The following CYLD variants were observed in gnomAD, a reference collection of about 807,000 sequenced individuals.
CYLD encodes CYLD lysine 63 deubiquitinase, also known as ubiquitin carboxyl-terminal hydrolase CYLD.
A neutral mutation model predicts 104.5 loss-of-function variants in CYLD; 26 were observed. The observed-to-expected ratio is 0.25, with a 90% CI of 0.18 to 0.35. The LOEUF is 0.35. Ranked by LOEUF, CYLD falls within the 10% of genes least tolerant of loss-of-function variation. CYLD has a pLI of 1.00. For synonymous variants in CYLD, 385 were observed against 399.9 expected (o/e 0.96, Z 0.45); for missense variants, 703 against 1,136.1 (o/e 0.62, Z 5.48).
intron 5 of CYLD, among the ~76,000 whole-genome samples, chr16:50,758,191 CCTT>C (rs1428105879): frequency 2.0e-5 from 3 of 152,146 alleles, no homozygotes; most frequent in Non-Finnish European, 4.4e-5. Context: ...TTCTGATAAA[CCTT>C]CTAATAAGGT....
At position 50,797,326 on chromosome 16, in the gene CYLD, C is replaced by A. The variant is rs1358875608; in HGVS notation, c.*818C>A. On this transcript the variant is annotated 3_prime_UTR_variant, in exon 19 of 19. Coordinates refer to ENST00000427738, the MANE Select transcript of CYLD (RefSeq NM_001378743.1). Reference sequence around the variant, plus strand: ...TGAAAGAATTGGAGTGATAATAGTCCTTTACAAACATACAGTCCATAAGAA... The same window carrying A: ...TGAAAGAATTGGAGTGATAATAGTCATTTACAAACATACAGTCCATAAGAA... The A allele has an allele frequency of 4.3e-6, 1 of 232,014 alleles. No individual in the cohort carries two copies. The highest frequency in any genetic ancestry group is 2.2e-5 in the African/African-American group (1 of 45,252). The allele number at this position is 232,014 out of a possible 1,614,324, so 14.4% of individuals were successfully genotyped here.
At chr16:50,785,004 C>G (rs574461016) in intron 12 of CYLD, 8 of 154,216 alleles carry the variant, frequency 5.2e-5, no homozygotes, top group African/African-American at 1.7e-4. Context: ...TTTTCCATTT[C>G]CTACTTTAGG....
intron 9 of CYLD, among the ~76,000 whole-genome samples, chr16:50,780,588 G>A (rs2150993811): frequency 6.6e-6 from 1 of 152,220 alleles, no homozygotes; most frequent in South Asian, 2.1e-4. Context: ...GCACGGTCAG[G>A]GCTCACTGCA....
intron 2 of CYLD, among the ~76,000 whole-genome samples, chr16:50,749,181 A>G (rs1008155619): frequency 1.3e-5 from 2 of 152,202 alleles, no homozygotes; most frequent in African/African-American, 4.8e-5. Context: ...CAGCATGGGC[A>G]ACAAGAGTGA....
At chr16:50,754,684 A>C (rs1443263915) in intron 5 of CYLD, among the ~76,000 whole-genome samples, 1 of 149,536 alleles carries the variant, frequency 6.7e-6, no homozygotes, top group African/African-American at 2.5e-5. Flanking sequence ...ACACCTTTGA[A>C]TCCTCATAGC....
chr16:50,775,131 C>G (rs1597039040), intron 5 of CYLD, 35 bp from the exon 6 acceptor site: 1 of 1,586,440 alleles, frequency 6.3e-7, no homozygotes, highest in African/African-American at 1.3e-5. Context: ...GTCCTCAAAT[C>G]CACTGTGGGT....
In CYLD at chr16:50,749,972, A is replaced by G. The variant is rs749150160; in HGVS notation, c.274A>G (p.Ile92Val). 6 of 1,614,074 alleles carry G rather than the reference A, an allele frequency of 3.7e-6. No individual in the cohort carries two copies. In the African/African-American group the frequency reaches 8.0e-5, roughly 22 times the overall value. Residue 92 changes from isoleucine (I) to valine (V), a missense_variant, in exon 3 of 19, where the codon ATA (isoleucine) becomes GTA (valine). Around this residue, in one of 5 missense-constraint regions of CYLD, gnomAD observed 142 missense variants for 165.1 expected, o/e 0.86. Transcript: ENST00000427738. ...LFVDEKDVVE[I>V]NEKFTELLLA... is the part of the protein sequence containing the mutation. The stretch of plus-strand genomic sequence containing the variant: ...TGTTGATGAAAAGGATGTTGTAGAG[A>G]TAAATGAAAAGTTCACAGAGTTACT...
intron 2 of CYLD, among the ~76,000 whole-genome samples, chr16:50,749,170 C>A (rs1187888125): frequency 6.6e-6 from 1 of 151,616 alleles, no homozygotes; most frequent in African/African-American, 2.4e-5. Context: ...CCACTGCAGT[C>A]CAGCATGGGC....
chr16:50,750,294 A>G, intron 3 of CYLD, 92 bp downstream of exon 3: 1 of 1,436,424 alleles, frequency 7.0e-7, no homozygotes, highest in Non-Finnish European at 9.7e-7. Flanking sequence ...CTCCTTAAAT[A>G]CGAAATAAAT....
intron 4 of CYLD, 35 bp from the exon 5 acceptor site, chr16:50,754,284 G>A (rs1453376400): frequency 7.6e-7 from 1 of 1,319,858 alleles, no homozygotes; most frequent in African/African-American, 1.4e-5. Flanking sequence ...ACATTTCATT[G>A]AGGAGGATTT....
At position 50,799,031 on chromosome 16, in the gene CYLD, T is replaced by G. The variant is rs902892097; in HGVS notation, c.*2523T>G. 1.7e-5 allele frequency: 4 copies of G among 233,308 alleles called. No individual in the cohort carries two copies. 14.5% of individuals were successfully genotyped at this position (233,308 alleles called of 1,614,324 possible). On this transcript the variant is annotated 3_prime_UTR_variant, in exon 19 of 19. Transcript: ENST00000427738. ...GTTCTGTGCTTCAGCACAGCCTGGTTTGTCAAGAGGCACATAGTTGGGGCT... is the reference window on the plus strand; with the variant it reads ...GTTCTGTGCTTCAGCACAGCCTGGTGTGTCAAGAGGCACATAGTTGGGGCT...
At chr16:50,755,235 A>G (rs576887242) in intron 5 of CYLD, among the ~76,000 whole-genome samples, 59 of 149,822 alleles carry the variant, frequency 3.9e-4, no homozygotes, top group Admixed American at 1.4e-3. Context: ...ATATGTGTGT[A>G]TATACACACA....
intron 5 of CYLD, among the ~76,000 whole-genome samples, chr16:50,770,152 C>T (rs1968987515): frequency 6.6e-6 from 1 of 152,068 alleles, no homozygotes; most frequent in Non-Finnish European, 1.5e-5. Flanking sequence ...ATCTTTATTT[C>T]TTGACATAAT....
Position 50,800,156 on chromosome 16 carries a change from T to A in CYLD, c.*3648T>A, listed in dbSNP as rs545703479. 46 of 232,908 alleles carry A rather than the reference T, an allele frequency of 2.0e-4. No homozygotes were observed. Among genetic ancestry groups the A allele is most frequent in the African/African-American group, 9.5e-4 (43 of 45,400 alleles). 14.4% of individuals were successfully genotyped at this position (232,908 alleles called of 1,614,324 possible). On this transcript the variant is annotated 3_prime_UTR_variant, in exon 19 of 19. Transcript: ENST00000427738. Reference sequence around the variant, plus strand: ...GACCTCTTGAGCTTTAGTTTCCTCCTCTGCATAATGAGAGGGTTAGACTAC... The same window carrying A: ...GACCTCTTGAGCTTTAGTTTCCTCCACTGCATAATGAGAGGGTTAGACTAC...
At chr16:50,762,888 T>G (rs1011391383) in intron 5 of CYLD, among the ~76,000 whole-genome samples, 2 of 152,244 alleles carry the variant, frequency 1.3e-5, no homozygotes, top group African/African-American at 4.8e-5. Context: ...TACTGAGATC[T>G]AGTTTATAAT....
rs1009419392 is a variant in CYLD, at chr16:50,796,413, T to C, written c.2776T>C (p.Leu926=). ...LKMSLEDLHS[L]DSRRIQGCAR... is the part of the protein sequence containing the mutation. ...GATGTCTCTGGAAGACCTGCATTCC[T>C]TGGACTCCAGGAGAATCCAAGGCTG... Residue 926 remains leucine (L), a synonymous_variant, in exon 19 of 19, where the codon TTG becomes CTG. Transcript: ENST00000427738. 1 of 1,614,104 alleles carries C rather than the reference T, an allele frequency of 6.2e-7. No individual in the cohort carries two copies.
chr16:50,756,401 C>A (rs754095240), intron 5 of CYLD, among the ~76,000 whole-genome samples: 53 of 152,258 alleles, frequency 3.5e-4, no homozygotes, highest in Admixed American at 3.9e-4. Flanking sequence ...TGTGAGATCC[C>A]TTTTAGTTTT....
rs1346468997 is a variant in CYLD at position 50,799,618 on chromosome 16, TA to T, written c.*3111del. 3.4e-5 allele frequency: 8 copies of T among 233,674 alleles called. No homozygotes were observed. The East Asian group carries it at 4.8e-4, about 14-fold the overall frequency. The allele number at this position is 233,674 out of a possible 1,614,324, so 14.5% of individuals were successfully genotyped here. Reference sequence around the variant, plus strand: ...CTTCCTATCCCTAGGATTCCTTTATTATTTTTTTTCACAGATTTTGAGAACA... The same window carrying T: ...CTTCCTATCCCTAGGATTCCTTTATTTTTTTTTTCACAGATTTTGAGAACA... On this transcript the variant is annotated 3_prime_UTR_variant, in exon 19 of 19. Transcript: ENST00000427738.
intron 5 of CYLD, 149 bp downstream of exon 5, chr16:50,754,573 G>C: frequency 1.6e-6 from 1 of 639,902 alleles, no homozygotes; most frequent in South Asian, 1.8e-5. Flanking sequence ...TGGTGCACCC[G>C]TCACCCGAGA....
Sources: allele counts gnomAD v4.1 joint callset (sites outside exome capture counted in the v4.1 genomes callset), GRCh38; gene constraint gnomAD v4.1.1; regional missense constraint gnomAD v4.1.1; transcripts MANE v1.5; gene names NCBI Gene and HGNC (gene_info 2026-07-23, HGNC 2026-07-21).